ANKFN1: variants seen among roughly 807,000 people sequenced by gnomAD.
ANKFN1 encodes the protein ankyrin repeat and fibronectin type III domain containing 1, also known as ankyrin repeat and fibronectin type-III domain-containing protein 1.
ANKFN1 carries 74 observed loss-of-function variants against 108.7 expected under a neutral mutation model. The ratio of observed to expected loss-of-function variants is 0.68; its 90% confidence interval spans 0.56 to 0.83. ANKFN1 has a LOEUF of 0.83. ANKFN1 is among the 40% of genes least tolerant of loss of function. ANKFN1 has a pLI of 0.00. For synonymous variants in ANKFN1, 547 were observed against 516.2 expected, an observed-to-expected ratio of 1.06 and a Z score of -0.81; for missense variants, 1,505 against 1,382.3, an observed-to-expected ratio of 1.09 and a Z score of -1.41.
At chr17:56,118,381 T>A (rs1402725492) in intron 4 of ANKFN1, among the ~76,000 whole-genome samples, 1 of 152,004 alleles carries the variant, frequency 6.6e-6, no homozygotes, top group Non-Finnish European at 1.5e-5. Context: ...TTTTTCCACA[T>A]AGTCTTTTAA....
chr17:56,265,976 G>T (rs2043638902), intron 3 of ANKFN1, among the ~76,000 whole-genome samples: 1 of 152,150 alleles, frequency 6.6e-6, no homozygotes, highest in African/African-American at 2.4e-5. Context: ...TTATCTGATA[G>T]GGGAGGCACA....
At chr17:56,078,914 C>G (rs1277087892) in intron 4 of ANKFN1, among the ~76,000 whole-genome samples, 1 of 152,144 alleles carries the variant, frequency 6.6e-6, no homozygotes, top group Admixed American at 6.5e-5. Flanking sequence ...ACGGAGGACA[C>G]ATAGCAAACA....
intron 8 of ANKFN1, among the ~76,000 whole-genome samples, chr17:56,405,134 T>C (rs2047882389): frequency 6.6e-6 from 1 of 152,256 alleles, no homozygotes; most frequent in African/African-American, 2.4e-5. Flanking sequence ...ATTTTTGTGC[T>C]GGTTGGCCTC....
intron 10 of ANKFN1, among the ~76,000 whole-genome samples, chr17:56,445,788 A>G (rs1028694538): frequency 6.6e-6 from 1 of 152,200 alleles, no homozygotes; most frequent in African/African-American, 2.4e-5. Context: ...GGTATGGTAC[A>G]TAGTAAGAGA....
At chr17:56,270,389 C>A (rs985576665) in intron 3 of ANKFN1, among the ~76,000 whole-genome samples, 3 of 152,196 alleles carry the variant, frequency 2.0e-5, no homozygotes, top group African/African-American at 7.2e-5. Context: ...TGCCCAGCCT[C>A]CAGGGCTACA....
intron 4 of ANKFN1, among the ~76,000 whole-genome samples, chr17:56,057,775 ACT>A (rs1389196318): frequency 1.0e-5 from 1 of 98,458 alleles, no homozygotes; most frequent in East Asian, 2.6e-4. Flanking sequence ...ACAGAGTGAA[ACT>A]CTGTCTCAAA....
chr17:56,146,892 G>A lies in ANKFN1; in HGVS notation c.289-81025G>A, dbSNP rs559050008. Among the ~76,000 whole-genome samples the A allele has an allele frequency of 6.6e-5, 10 of 152,282 alleles. No homozygotes were observed. The South Asian group carries it at 2.1e-3, about 32-fold the overall frequency. On this transcript the variant is annotated intron_variant, in intron 4 of 12. Transcript: ENST00000635860. Reference sequence around the variant, plus strand: ...TTGAATTTCTCCCCCAGAAAATGGGGTTTTCTTTTTTGTGGCATCATCAGG... The same window carrying A: ...TTGAATTTCTCCCCCAGAAAATGGGATTTTCTTTTTTGTGGCATCATCAGG...
chr17:56,107,003 A>C (rs1472543126), intron 4 of ANKFN1, among the ~76,000 whole-genome samples: 1 of 152,176 alleles, frequency 6.6e-6, no homozygotes, highest in East Asian at 1.9e-4. Context: ...TCAATTTTGC[A>C]TGTGCCTCAA....
intron 8 of ANKFN1, among the ~76,000 whole-genome samples, chr17:56,401,796 G>T (rs900047510): frequency 1.3e-5 from 2 of 152,134 alleles, no homozygotes; most frequent in Non-Finnish European, 2.9e-5. Context: ...GCTTTCAACT[G>T]TTAACCATTC....
intron 8 of ANKFN1, among the ~76,000 whole-genome samples, chr17:56,393,950 T>C (rs2047507966): frequency 6.6e-6 from 1 of 152,200 alleles, no homozygotes; most frequent in African/African-American, 2.4e-5. Flanking sequence ...AAATACTAAG[T>C]GTTCATGATG....
chr17:56,402,817 T>A (rs1281080784), intron 8 of ANKFN1, among the ~76,000 whole-genome samples: 1 of 152,118 alleles, frequency 6.6e-6, no homozygotes, highest in African/African-American at 2.4e-5. Flanking sequence ...CGTGCTCTTT[T>A]AGTCTTTTTG....
chr17:56,415,337 A>G (rs975716637), intron 8 of ANKFN1, among the ~76,000 whole-genome samples: 37 of 152,218 alleles, frequency 2.4e-4, no homozygotes, highest in African/African-American at 8.9e-4. Context: ...AAAAAACAAA[A>G]CAACTGTTAG....
chr17:56,189,898 A>G (rs1912715338), intron 1 of ANKFN1, among the ~76,000 whole-genome samples: 1 of 152,086 alleles, frequency 6.6e-6, no homozygotes, highest in Non-Finnish European at 1.5e-5. Context: ...ACCCACATAA[A>G]TATAGTCAAC....
At chr17:56,151,742 T>C (rs1908630508), upstream of ANKFN1, among the ~76,000 whole-genome samples, 1 of 152,160 alleles carries the variant, frequency 6.6e-6, no homozygotes, top group African/African-American at 2.4e-5. Flanking sequence ...ATTACTTCCG[T>C]TACTCTCAGC....
chr17:56,198,734 G>A (rs1913759554), intron 1 of ANKFN1, among the ~76,000 whole-genome samples: 1 of 151,662 alleles, frequency 6.6e-6, no homozygotes, highest in South Asian at 2.1e-4. Context: ...TTCCTTCCCC[G>A]CTGATCTGTA....
intron 15 of ANKFN1, chr17:56,472,398 A>T (rs2050351157): frequency 6.6e-6 from 1 of 152,172 alleles, no homozygotes; most frequent in African/African-American, 2.4e-5. Flanking sequence ...GTTATTGAAA[A>T]AGCAACTACC....
chr17:56,224,920 G>A (rs1271907481), intron 2 of ANKFN1: 1 of 152,300 alleles, frequency 6.6e-6, no homozygotes, highest in Non-Finnish European at 1.5e-5. Flanking sequence ...ATCCGAGGAG[G>A]GTAACCTGCT....
rs181620645 is a variant in ANKFN1 at position 56,320,361 on chromosome 17, G to A, written c.54-5860G>A. On this transcript the variant is annotated intron_variant, in intron 3 of 20. Coordinates refer to ENST00000682825, the MANE Select transcript of ANKFN1 (RefSeq NM_001370326.1). ...AGTGTGAACATAAATATTATAACCT[G>A]AAGTGTGCCAATTGAGAAAATAAGG... Among the ~76,000 whole-genome samples, 393 of 152,264 alleles carry A rather than the reference G, an allele frequency of 2.6e-3. 1 individual carries two copies. The highest frequency in any genetic ancestry group is 8.7e-3 in the African/African-American group (363 of 41,550).
intron 4 of ANKFN1, among the ~76,000 whole-genome samples, chr17:56,050,235 G>C (rs1395257250): frequency 6.7e-6 from 1 of 148,626 alleles, no homozygotes; most frequent in Non-Finnish European, 1.5e-5. Flanking sequence ...TTTTTGATGG[G>C]GTTGTTTGTT....
Sources: gnomAD v4.1 joint callset for allele counts (sites outside exome capture counted in the v4.1 genomes callset) on GRCh38, gnomAD v4.1.1 for gene constraint, MANE v1.5 for transcripts, NCBI Gene and HGNC (gene_info 2026-07-23, HGNC 2026-07-21) for gene names.